The following NEUROD4 variants were observed in gnomAD, a reference collection of about 807,000 sequenced individuals.
NEUROD4 encodes neuronal differentiation 4.
A neutral mutation model predicts 19.8 loss-of-function variants in NEUROD4; 16 were observed. The observed-to-expected ratio is 0.81, with a 90% CI of 0.55 to 1.23. The LOEUF (loss-of-function observed/expected upper bound fraction) is 1.23, where lower values mean the gene tolerates loss of function less well. NEUROD4 is among the 50% of genes most tolerant of loss of function. NEUROD4 has a pLI of 0.00. For missense variants in NEUROD4, 439 were observed against 398.6 expected (o/e 1.10, Z -0.86); for synonymous variants, 153 against 147.9 (o/e 1.03, Z -0.25).
chr12:55,026,800 C>G lies in NEUROD4; in HGVS notation c.361C>G (p.Gln121Glu), dbSNP rs767256029. ...RRVMPCYSKT[Q>E]KLSKIETLRL... is the part of the protein sequence containing the mutation. ...AGTCATGCCATGCTACTCTAAAACCCAAAAACTTTCCAAGATAGAGACTCT... is the reference window on the plus strand; with the variant it reads ...AGTCATGCCATGCTACTCTAAAACCGAAAAACTTTCCAAGATAGAGACTCT... Residue 121 changes from glutamine (Q) to glutamate (E), a missense_variant, in exon 2 of 2, where the codon CAA becomes GAA. Coordinates refer to ENST00000242994, the MANE Select transcript of NEUROD4 (RefSeq NM_021191.3). The G allele has an allele frequency of 5.8e-5, 94 of 1,614,118 alleles. 1 individual carries two copies. Among genetic ancestry groups the G allele is most frequent in the Middle Eastern group, 1.7e-4 (1 of 6,060 alleles).
Position 55,026,760 on chromosome 12 carries a change from G to A in NEUROD4, c.321G>A (p.Leu107=), listed in dbSNP as rs769799266. Residue 107 remains leucine, a synonymous_variant, in exon 2 of 2, where the codon CTG becomes CTA. Coordinates refer to ENST00000242994, the MANE Select transcript of NEUROD4 (RefSeq NM_021191.3). ...GGATGCATGGCCTGAATGACGCCCT[G>A]GATAACCTGAGGCGAGTCATGCCAT... is the stretch of plus-strand genomic sequence containing the variant. ...RTRMHGLNDA[L]DNLRRVMPCY... The A allele has an allele frequency of 4.3e-6, 7 of 1,614,022 alleles. No homozygotes were observed. In the African/African-American group the frequency reaches 6.7e-5, roughly 15 times the overall value.
At chr12:55,023,873 A>G (rs1952695060) in intron 1 of NEUROD4, among the ~76,000 whole-genome samples, 1 of 152,222 alleles carries the variant, frequency 6.6e-6, no homozygotes, top group Non-Finnish European at 1.5e-5. Context: ...TGTTAGAAGT[A>G]AAAGATGGTC....
At chr12:55,022,315 CCCT>C in intron 1 of NEUROD4, among the ~76,000 whole-genome samples, 1 of 152,064 alleles carries the variant, frequency 6.6e-6, no homozygotes, top group Non-Finnish European at 1.5e-5. Flanking sequence ...CTGGAGACAA[CCCT>C]TGGTTTCTTT....
chr12:55,026,957 G>T lies in NEUROD4; in HGVS notation c.518G>T (p.Cys173Phe). Residue 173 changes from cysteine (C) to phenylalanine (F), a missense_variant, in exon 2 of 2, where the codon TGT becomes TTT. By Grantham distance (205) the Cys-to-Phe change is radical. Transcript: ENST00000242994. The part of the protein sequence containing the change: ...SQPTSNLVAG[C>F]LQLGPQSVLL... ...CCCACAAGCAACCTGGTGGCTGGATGTCTCCAACTGGGCCCTCAGTCTGTC... is the reference window on the plus strand; with the variant it reads ...CCCACAAGCAACCTGGTGGCTGGATTTCTCCAACTGGGCCCTCAGTCTGTC... 6.2e-7 allele frequency: 1 copy of T among 1,614,186 alleles called. No individual in the cohort carries two copies. The highest frequency in any genetic ancestry group is 1.6e-4 in the Middle Eastern group (1 of 6,062).
chr12:55,023,579 G>T (rs1269033047), intron 1 of NEUROD4, among the ~76,000 whole-genome samples: 3 of 152,090 alleles, frequency 2.0e-5, no homozygotes, highest in Non-Finnish European at 4.4e-5. Context: ...AGAAGAATTG[G>T]GACTAGAGTT....
chr12:55,026,854 T>G lies in NEUROD4; in HGVS notation c.415T>G (p.Leu139Val). The G allele has an allele frequency of 1.2e-6, 2 of 1,614,090 alleles. No individual in the cohort carries two copies. Among genetic ancestry groups the G allele is most frequent in the Non-Finnish European group, 1.7e-6 (2 of 1,180,004 alleles). ...LRLARNYIWA[L>V]SEVLETGQTP... ...ACTGGCCAGGAACTATATTTGGGCT[T>G]TATCTGAAGTCCTGGAGACTGGCCA... Residue 139 changes from leucine (L) to valine (V), a missense_variant, in exon 2 of 2, where the codon TTA becomes GTA. Leu to Val is a conservative substitution (Grantham distance 32, BLOSUM62 1). Transcript: ENST00000242994.
At chr12:55,026,106 T>A (rs1345034892) in intron 1 of NEUROD4, among the ~76,000 whole-genome samples, 1 of 152,212 alleles carries the variant, frequency 6.6e-6, no homozygotes, top group Admixed American at 6.5e-5. Flanking sequence ...TTTTCCCTTT[T>A]ATGTTCTGGA....
chr12:55,020,866 TG>T (rs1186880139), intron 1 of NEUROD4, among the ~76,000 whole-genome samples: 15 of 152,102 alleles, frequency 9.9e-5, no homozygotes, highest in Non-Finnish European at 2.1e-4. Context: ...TGGCACAGGG[TG>T]GGGGAAATTT....
At position 55,027,385 on chromosome 12, in the gene NEUROD4, T is replaced by G. The variant is rs778487708; in HGVS notation, c.946T>G (p.Tyr316Asp). Residue 316 changes from tyrosine to aspartate, a missense_variant, in exon 2 of 2, where the codon TAC (tyrosine) becomes GAC (aspartate). Tyr to Asp is a radical substitution (Grantham distance 160). Transcript: ENST00000242994. ...TCCTATAGACATGTCCTATGATTCCTACCCCCATCATGGTATTGGGACCCA... is the reference window on the plus strand; with the variant it reads ...TCCTATAGACATGTCCTATGATTCCGACCCCCATCATGGTATTGGGACCCA... ...DVPIDMSYDS[Y>D]PHHGIGTQLN... 6.2e-7 allele frequency: 1 copy of G among 1,613,540 alleles called. No homozygotes were observed. The highest frequency in any genetic ancestry group is 8.5e-7 in the Non-Finnish European group (1 of 1,179,676).
intron 1 of NEUROD4, among the ~76,000 whole-genome samples, chr12:55,025,360 G>GTTCCACTAT (rs1309388272): frequency 1.3e-5 from 2 of 151,884 alleles, no homozygotes; most frequent in African/African-American, 4.8e-5. Flanking sequence ...TGTTCCACTA[G>GTTCCACTAT]TTCCACTAGT....
intron 1 of NEUROD4, among the ~76,000 whole-genome samples, chr12:55,021,702 A>G (rs1329197867): frequency 1.3e-5 from 2 of 152,222 alleles, no homozygotes; most frequent in Non-Finnish European, 2.9e-5. Flanking sequence ...ATTTTGAATT[A>G]AAGAGAATTG....
In NEUROD4 at chr12:55,026,789, A is replaced by T; in HGVS notation, c.350A>T (p.Tyr117Phe). The change falls in exon 2 of 2, where the codon TAC becomes TTC. Residue 117 changes from tyrosine to phenylalanine, a missense_variant. Coordinates refer to ENST00000242994, the MANE Select transcript of NEUROD4 (RefSeq NM_021191.3). Reference sequence around the variant, plus strand: ...AACCTGAGGCGAGTCATGCCATGCTACTCTAAAACCCAAAAACTTTCCAAG... The same window carrying T: ...AACCTGAGGCGAGTCATGCCATGCTTCTCTAAAACCCAAAAACTTTCCAAG... ...LDNLRRVMPCYSKTQKLSKIE... is the reference protein window; with the variant it reads ...LDNLRRVMPCFSKTQKLSKIE... 1 of 1,614,078 alleles carries T rather than the reference A, an allele frequency of 6.2e-7. No individual in the cohort carries two copies. Among genetic ancestry groups the T allele is most frequent in the East Asian group, 2.2e-5 (1 of 44,872 alleles).
Position 55,026,746 on chromosome 12 carries a change from C to T in NEUROD4, c.307C>T (p.Leu103=), listed in dbSNP as rs1952737011. 2 of 1,614,132 alleles carry T rather than the reference C, an allele frequency of 1.2e-6. No individual in the cohort carries two copies. The highest frequency in any genetic ancestry group is 4.5e-5 in the East Asian group (2 of 44,884). The change falls in exon 2 of 2, where the codon CTG becomes TTG. Residue 103 remains leucine (L), a synonymous_variant. Transcript: ENST00000242994. The part of the protein sequence containing the change: ...NARERTRMHG[L]NDALDNLRRV... ...CAGAGAACGGACCCGGATGCATGGC[C>T]TGAATGACGCCCTGGATAACCTGAG...
In NEUROD4 at chr12:55,029,377, T is replaced by A. The variant is rs1037119550; in HGVS notation, c.*1942T>A. On this transcript the variant is annotated 3_prime_UTR_variant, in exon 2 of 2. Coordinates refer to ENST00000242994, the MANE Select transcript of NEUROD4 (RefSeq NM_021191.3). ...AAAGCCATACTATGTGCTTTCTGAGTATATACTGCACTTACCTTTGTGAGC... is the reference window on the plus strand; with the variant it reads ...AAAGCCATACTATGTGCTTTCTGAGAATATACTGCACTTACCTTTGTGAGC... 3 of 166,952 alleles carry A rather than the reference T, an allele frequency of 1.8e-5. No homozygotes were observed. The highest frequency in any genetic ancestry group is 4.4e-5 in the Non-Finnish European group (3 of 68,100). The allele number at this position is 166,952 out of a possible 1,614,324, so 10.3% of individuals were successfully genotyped here. A position where few individuals can be genotyped will look rare whatever the true frequency, so the allele number is the denominator to read the frequency against.
In NEUROD4 at chr12:55,026,920, G is replaced by A; in HGVS notation, c.481G>A (p.Gly161Arg). 6.2e-7 allele frequency: 1 copy of A among 1,614,132 alleles called. No homozygotes were observed. Residue 161 changes from glycine to arginine, a missense_variant, in exon 2 of 2, where the codon GGG becomes AGG. Coordinates refer to ENST00000242994, the MANE Select transcript of NEUROD4 (RefSeq NM_021191.3). ...GKGFVEMLCK[G>R]LSQPTSNLVA... ...AGGCTTTGTGGAGATGCTGTGTAAA[G>A]GGCTCTCTCAGCCCACAAGCAACCT... is the stretch of plus-strand genomic sequence containing the variant.
Position 55,026,800 on chromosome 12 carries a change from C to A in NEUROD4, c.361C>A (p.Gln121Lys). 6.2e-7 allele frequency: 1 copy of A among 1,614,118 alleles called. No individual in the cohort carries two copies. Among genetic ancestry groups the A allele is most frequent in the Non-Finnish European group, 8.5e-7 (1 of 1,180,014 alleles). ...AGTCATGCCATGCTACTCTAAAACC[C>A]AAAAACTTTCCAAGATAGAGACTCT... ...RRVMPCYSKT[Q>K]KLSKIETLRL... The change falls in exon 2 of 2, where the codon CAA (glutamine) becomes AAA (lysine). Residue 121 changes from glutamine (Q) to lysine (K), a missense_variant. Coordinates refer to ENST00000242994, the MANE Select transcript of NEUROD4 (RefSeq NM_021191.3).
At chr12:55,025,350 T>TGTTCCACTAGTTCCACTA (rs113557150) in intron 1 of NEUROD4, among the ~76,000 whole-genome samples, 4 of 151,168 alleles carry the variant, frequency 2.6e-5, no homozygotes, top group South Asian at 2.1e-4. Context: ...CACTATGTTC[T>TGTTCCACTAGTTCCACTA]GTTCCACTAG....
rs540025548 is a variant in NEUROD4 at position 55,029,560 on chromosome 12, C to T, written c.*2125C>T. 1.2e-5 allele frequency: 2 copies of T among 167,028 alleles called. No homozygotes were observed. Among genetic ancestry groups the T allele is most frequent in the Admixed American group, 6.5e-5 (1 of 15,276 alleles). The allele number at this position is 167,028 out of a possible 1,614,324, so 10.3% of individuals were successfully genotyped here. A position where few individuals can be genotyped will look rare whatever the true frequency, so the allele number is the denominator to read the frequency against. On this transcript the variant is annotated 3_prime_UTR_variant, in exon 2 of 2. Coordinates refer to ENST00000242994, the MANE Select transcript of NEUROD4 (RefSeq NM_021191.3). Reference sequence around the variant, plus strand: ...TTAGCCCCATAGATGTGCTTGCAAACCCTTCCTAAAATTTTATTTGGAAAG... The same window carrying T: ...TTAGCCCCATAGATGTGCTTGCAAATCCTTCCTAAAATTTTATTTGGAAAG...
Position 55,027,223 on chromosome 12 carries a change from A to G in NEUROD4, c.784A>G (p.Asn262Asp). 1 of 1,614,130 alleles carries G rather than the reference A, an allele frequency of 6.2e-7. No individual in the cohort carries two copies. Among genetic ancestry groups the G allele is most frequent in the African/African-American group, 1.3e-5 (1 of 75,040 alleles). ...CACTCCACCCCTGAGCATCAGTGGG[A>G]ACTTCTCCTTGAAGCAAGATGGGTC... ...PLTPPLSISG[N>D]FSLKQDGSPD... Residue 262 changes from asparagine to aspartate, a missense_variant, in exon 2 of 2, where the codon AAC becomes GAC. Physicochemically the swap from Asn to Asp is conservative, Grantham distance 23. Transcript: ENST00000242994.
Sources: allele counts gnomAD v4.1 joint callset (sites outside exome capture counted in the v4.1 genomes callset), GRCh38; gene constraint gnomAD v4.1.1; transcripts MANE v1.5; gene names NCBI Gene and HGNC (gene_info 2026-07-23, HGNC 2026-07-21).